CTNND2: variants seen among roughly 807,000 people sequenced by gnomAD.
The protein encoded by CTNND2 is catenin delta-2.
In CTNND2, 22 loss-of-function variants were observed where a neutral mutation model predicts 144.4. That is an observed-to-expected ratio of 0.15 (90% CI 0.11 to 0.22). CTNND2 has a LOEUF of 0.22. CTNND2 is among the 10% of genes least tolerant of loss of function. The pLI is 1.00. For missense variants in CTNND2, 1,353 were observed against 1,618.8 expected (o/e 0.84, Z 2.82); for synonymous variants, 751 against 695.6 (o/e 1.08, Z -1.25).
intron 3 of CTNND2, among the ~76,000 whole-genome samples, chr5:11,507,897 C>T (rs1199289874): frequency 3.3e-5 from 5 of 152,024 alleles, no homozygotes; most frequent in African/African-American, 1.2e-4. Context: ...CCAAAATACT[C>T]GGTGGGAAAC....
At chr5:11,392,971 T>G (rs1759762838) in intron 6 of CTNND2, among the ~76,000 whole-genome samples, 1 of 152,170 alleles carries the variant, frequency 6.6e-6, no homozygotes, top group African/African-American at 2.4e-5. Context: ...TACAGGGAAC[T>G]TGCTCTTCCT....
chr5:11,588,589 G>T, intron 2 of CTNND2: 1 of 203,096 alleles, frequency 4.9e-6, no homozygotes, highest in Non-Finnish European at 8.7e-6. Flanking sequence ...ATAACTGTGA[G>T]GTCAGAAATA....
At chr5:11,256,235 G>A (rs939629839) in intron 9 of CTNND2, among the ~76,000 whole-genome samples, 1 of 152,128 alleles carries the variant, frequency 6.6e-6, no homozygotes, top group Non-Finnish European at 1.5e-5. Flanking sequence ...CAAAAAAGTT[G>A]ATAATATGCC....
intron 3 of CTNND2, among the ~76,000 whole-genome samples, chr5:11,435,200 G>A (rs948750173): frequency 8.6e-5 from 13 of 151,380 alleles, no homozygotes; most frequent in Admixed American, 2.0e-4. Flanking sequence ...GTACAGTGGC[G>A]CGATCACAGC....
intron 2 of CTNND2, among the ~76,000 whole-genome samples, chr5:11,645,042 T>C (rs1248715710): frequency 6.6e-6 from 1 of 152,196 alleles, no homozygotes; most frequent in Non-Finnish European, 1.5e-5. Context: ...CATAGCTCAC[T>C]GCAGGCTCAA....
intron 16 of CTNND2, among the ~76,000 whole-genome samples, chr5:11,056,195 G>C (rs1389526985): frequency 3.3e-5 from 5 of 152,172 alleles, no homozygotes; most frequent in Non-Finnish European, 5.9e-5. Flanking sequence ...AATACTATTA[G>C]TGAATCTTTC....
intron 12 of CTNND2, among the ~76,000 whole-genome samples, chr5:11,156,890 C>T (rs1163094673): frequency 2.6e-5 from 4 of 152,144 alleles, no homozygotes; most frequent in Admixed American, 1.3e-4. Context: ...GATGCCACTC[C>T]GTTTATCTCT....
chr5:11,884,493 G>A (rs993246063), intron 1 of CTNND2, among the ~76,000 whole-genome samples: 1 of 152,086 alleles, frequency 6.6e-6, no homozygotes. Flanking sequence ...TTGTAGATTT[G>A]TGGCGTTATT....
At position 11,346,830 on chromosome 5, in the gene CTNND2, C is replaced by T. The variant is rs530227510; in HGVS notation, c.1373-203G>A. Among the ~76,000 whole-genome samples the T allele has an allele frequency of 5.9e-5, 9 of 152,228 alleles. No individual in the cohort carries two copies. The East Asian group carries it at 1.5e-3, about 26-fold the overall frequency. On this transcript the variant is annotated intron_variant, in intron 8 of 21. Transcript: ENST00000304623. ...ATAATTAGCATGCCTAAGAGACAAA[C>T]CTTTCAGGTATGGGGGGAATGCATC...
At chr5:11,273,027 T>C (rs1746177394) in intron 9 of CTNND2, among the ~76,000 whole-genome samples, 1 of 152,212 alleles carries the variant, frequency 6.6e-6, no homozygotes, top group South Asian at 2.1e-4. Context: ...CCATTCTTAC[T>C]GGCAGACCTG....
intron 2 of CTNND2, among the ~76,000 whole-genome samples, chr5:11,651,894 T>C (rs1455422526): frequency 1.3e-5 from 2 of 152,172 alleles, no homozygotes; most frequent in Non-Finnish European, 2.9e-5. Context: ...ATTTTTTTTA[T>C]TTTACAGGCT....
chr5:11,389,181 G>A (rs1022087659), intron 6 of CTNND2, among the ~76,000 whole-genome samples: 1 of 152,090 alleles, frequency 6.6e-6, no homozygotes, highest in African/African-American at 2.4e-5. Flanking sequence ...TCAGCCTCGA[G>A]GGCAACTTTA....
At chr5:11,250,487 C>CTA (rs1282598853) in intron 9 of CTNND2, among the ~76,000 whole-genome samples, 1,739 of 66,802 alleles carry the variant, frequency 0.026, 6 homozygotes, top group Admixed American at 0.032. Context: ...CTCTCTCTCT[C>CTA]TCTCTATATA....
chr5:11,531,407 C>A (rs1410181153), intron 3 of CTNND2, among the ~76,000 whole-genome samples: 2 of 152,120 alleles, frequency 1.3e-5, no homozygotes, highest in Non-Finnish European at 2.9e-5. Context: ...GGGTAGATAT[C>A]CTGAGATCAG....
At chr5:11,406,447 C>T (rs1023894829) in intron 5 of CTNND2, among the ~76,000 whole-genome samples, 2 of 152,100 alleles carry the variant, frequency 1.3e-5, no homozygotes, top group Non-Finnish European at 2.9e-5. Context: ...ATTTTGACTA[C>T]TATGATTTTC....
At chr5:11,640,703 A>G (rs2126500741) in intron 2 of CTNND2, among the ~76,000 whole-genome samples, 1 of 152,330 alleles carries the variant, frequency 6.6e-6, no homozygotes. Context: ...CATGACACGC[A>G]AAAACAGAGA....
chr5:11,404,122 A>C (rs1345270913), intron 5 of CTNND2, among the ~76,000 whole-genome samples: 3 of 152,200 alleles, frequency 2.0e-5, no homozygotes, highest in Non-Finnish European at 2.9e-5. Flanking sequence ...GCTGTCAGGG[A>C]CATGATGTTG....
intron 1 of CTNND2, among the ~76,000 whole-genome samples, chr5:11,806,616 A>G (rs1041658614): frequency 6.6e-6 from 1 of 152,166 alleles, no homozygotes; most frequent in African/African-American, 2.4e-5. Flanking sequence ...AATATGGGCA[A>G]TGTAAAAACC....
intron 9 of CTNND2, among the ~76,000 whole-genome samples, chr5:11,315,922 C>A (rs1412655713): frequency 1.3e-5 from 2 of 152,112 alleles, no homozygotes; most frequent in Non-Finnish European, 2.9e-5. Flanking sequence ...TCATATAATA[C>A]CCTGAGCAGT....
Sources: allele counts gnomAD v4.1 joint callset (sites outside exome capture counted in the v4.1 genomes callset), GRCh38; gene constraint gnomAD v4.1.1; transcripts MANE v1.5; gene names NCBI Gene and HGNC (gene_info 2026-07-23, HGNC 2026-07-21).